FOCAD: variants seen among roughly 807,000 people sequenced by gnomAD.
FOCAD encodes focadhesin.
Under a neutral mutation model 225.6 loss-of-function variants are expected in FOCAD, and 198 were observed. That is an observed-to-expected ratio of 0.88 (90% CI 0.78 to 0.99). The LOEUF is 0.99. Ranked by LOEUF, FOCAD falls within the 50% of genes least tolerant of loss-of-function variation. The pLI, the probability that FOCAD is intolerant of heterozygous loss-of-function variation, is 0.00. For missense variants in FOCAD, 2,713 were observed against 2,123.6 expected, an observed-to-expected ratio of 1.28 and a Z score of -5.46; for synonymous variants, 897 against 755.0, an observed-to-expected ratio of 1.19 and a Z score of -3.08.
intron 11 of FOCAD, among the ~76,000 whole-genome samples, chr9:20,803,505 T>A (rs1015036712): frequency 1.4e-4 from 22 of 152,076 alleles, no homozygotes; most frequent in African/African-American, 4.8e-4. Context: ...ATGGCTAGAA[T>A]TTGTTGAAGT....
intron 35 of FOCAD, 68 bp downstream of exon 35, chr9:20,953,133 C>A: frequency 2.4e-6 from 3 of 1,229,436 alleles, no homozygotes; most frequent in East Asian, 2.4e-5. Context: ...TTTGTGTACC[C>A]TAAGCATGCC....
intron 1 of FOCAD, among the ~76,000 whole-genome samples, chr9:20,687,878 T>A (rs1822758082): frequency 6.6e-6 from 1 of 152,186 alleles, no homozygotes; most frequent in Non-Finnish European, 1.5e-5. Flanking sequence ...GAAAACTGTG[T>A]GCAAGGTTTG....
chr9:20,890,484 T>A (rs377033752), intron 21 of FOCAD, among the ~76,000 whole-genome samples: 1 of 152,068 alleles, frequency 6.6e-6, no homozygotes, highest in Non-Finnish European at 1.5e-5. Flanking sequence ...CTTATTTTGA[T>A]TGATTTTCTA....
chr9:20,660,342 T>C (rs1587167911), intron 2 of FOCAD, among the ~76,000 whole-genome samples: 1 of 152,148 alleles, frequency 6.6e-6, no homozygotes. Context: ...GATGAGGAAA[T>C]TGAGGCAGAG....
In FOCAD at chr9:20,940,628, C is replaced by A. The variant is rs549958140; in HGVS notation, c.3408-3999C>A. 1.7e-3 allele frequency among the ~76,000 whole-genome samples: 260 copies of A among 152,276 alleles called. 1 individual carries two copies. Among genetic ancestry groups the A allele is most frequent in the African/African-American group, 5.8e-3 (243 of 41,546 alleles). On this transcript the variant is annotated intron_variant, in intron 28 of 43. Coordinates refer to ENST00000338382, the MANE Select transcript of FOCAD (RefSeq NM_001375567.1). ...TCAGGTTCAACTGATACTTACTGAG[C>A]AGCTGCATACTGAGCTAGGCATTTT... is the stretch of plus-strand genomic sequence containing the variant.
intron 22 of FOCAD, among the ~76,000 whole-genome samples, chr9:20,912,490 A>G (rs545681508): frequency 3.9e-5 from 6 of 152,208 alleles, no homozygotes; most frequent in African/African-American, 1.4e-4. Flanking sequence ...ATACTGGTGT[A>G]TGGTCCCCAA....
At chr9:20,804,760 A>C (rs548217745) in intron 11 of FOCAD, among the ~76,000 whole-genome samples, 4 of 151,850 alleles carry the variant, frequency 2.6e-5, no homozygotes, top group East Asian at 1.9e-4. Flanking sequence ...TGGTCTTTCA[A>C]CTGCTGGAAT....
intron 35 of FOCAD, among the ~76,000 whole-genome samples, chr9:20,960,475 T>C (rs181131052): frequency 1.3e-5 from 2 of 152,344 alleles, no homozygotes; most frequent in Admixed American, 1.3e-4. Flanking sequence ...ACAAATATTC[T>C]ATTTTCATCC....
At chr9:20,663,049 G>A (rs1821781651) in intron 2 of FOCAD, among the ~76,000 whole-genome samples, 1 of 151,960 alleles carries the variant, frequency 6.6e-6, no homozygotes. Flanking sequence ...AAAACAAAAG[G>A]TTTTTTACTT....
rs984834661 is a variant in FOCAD, at chr9:20,707,603, A to G, written c.-32-7719A>G. On this transcript the variant is annotated intron_variant, in intron 1 of 43. Coordinates refer to ENST00000338382, the MANE Select transcript of FOCAD (RefSeq NM_001375567.1). ...CTAGAGAAAAGAAATTAAGAAAATC[A>G]TAAAGAAGAGAACTTTTCATTAAGT... Among the ~76,000 whole-genome samples the G allele has an allele frequency of 3.3e-5, 5 of 152,210 alleles. No individual in the cohort carries two copies. The East Asian group carries it at 7.7e-4, about 23-fold the overall frequency.
At chr9:20,748,306 G>T (rs1015479427) in intron 5 of FOCAD, among the ~76,000 whole-genome samples, 5 of 151,558 alleles carry the variant, frequency 3.3e-5, no homozygotes, top group Admixed American at 6.6e-5. Flanking sequence ...ATTTTTTTTT[G>T]GAAATGGTCT....
Position 20,720,447 on chromosome 9 carries a change from G to A in FOCAD, c.200G>A (p.Cys67Tyr). The A allele has an allele frequency of 6.2e-7, 1 of 1,614,160 alleles. No homozygotes were observed. The highest frequency in any genetic ancestry group is 2.2e-5 in the East Asian group (1 of 44,874). ...SDNVVVRTAC[C>Y]EGLVALVAQD... Reference sequence around the variant, plus strand: ...AATGTAGTGGTTCGAACAGCCTGCTGTGAAGGTCTGGTGGCACTCGTTGCT... The same window carrying A: ...AATGTAGTGGTTCGAACAGCCTGCTATGAAGGTCTGGTGGCACTCGTTGCT... Residue 67 changes from cysteine (C) to tyrosine (Y), a missense_variant, in exon 4 of 44, where the codon TGT becomes TAT. Physicochemically the swap from Cys to Tyr is radical, Grantham distance 194. Transcript: ENST00000338382.
intron 2 of FOCAD, chr9:20,716,077 T>G: frequency 2.2e-6 from 1 of 444,514 alleles, no homozygotes; most frequent in Admixed American, 2.0e-5. Flanking sequence ...CTTTCAACAA[T>G]TAACTTCGGA....
intron 2 of FOCAD, among the ~76,000 whole-genome samples, chr9:20,675,451 G>A (rs1474024949): frequency 6.6e-6 from 1 of 152,158 alleles, no homozygotes; most frequent in Non-Finnish European, 1.5e-5. Context: ...ATTGTGCAGT[G>A]ATACTATACC....
intron 35 of FOCAD, among the ~76,000 whole-genome samples, chr9:20,961,007 G>T (rs1838663491): frequency 6.6e-6 from 1 of 151,960 alleles, no homozygotes; most frequent in South Asian, 2.1e-4. Flanking sequence ...TGGACATTTG[G>T]GTTGGTTCCA....
At chr9:20,709,815 C>T (rs1824685535) in intron 1 of FOCAD, among the ~76,000 whole-genome samples, 1 of 152,176 alleles carries the variant, frequency 6.6e-6, no homozygotes, top group Non-Finnish European at 1.5e-5. Context: ...CATATTCATT[C>T]TCTGAGGTGT....
At chr9:20,783,575 A>T (rs1819618913) in intron 10 of FOCAD, among the ~76,000 whole-genome samples, 1 of 146,236 alleles carries the variant, frequency 6.8e-6, no homozygotes, top group Non-Finnish European at 1.5e-5. Context: ...AGATTATTTG[A>T]CTATTGGATT....
At chr9:20,807,281 A>G (rs914047247) in intron 11 of FOCAD, among the ~76,000 whole-genome samples, 22 of 152,360 alleles carry the variant, frequency 1.4e-4, no homozygotes, top group Admixed American at 3.9e-4. Flanking sequence ...CTATCATCAT[A>G]TTTTATTCTC....
chr9:20,976,267 T>C (rs1013572901), intron 35 of FOCAD, 153 bp from the exon 36 acceptor site: 4 of 632,876 alleles, frequency 6.3e-6, no homozygotes, highest in Admixed American at 2.8e-5. Context: ...CAAATGGAGT[T>C]GAAATTAAGA....
Sources: allele counts gnomAD v4.1 joint callset (sites outside exome capture counted in the v4.1 genomes callset), GRCh38; gene constraint gnomAD v4.1.1; transcripts MANE v1.5; gene names NCBI Gene and HGNC (gene_info 2026-07-23, HGNC 2026-07-21).